Variants in ARHGEF28 observed in about 807,000 individuals in gnomAD.
ARHGEF28 encodes the protein 190 kDa guanine nucleotide exchange factor.
In ARHGEF28, 152 loss-of-function variants were observed where a neutral mutation model predicts 206.6. The observed-to-expected ratio is 0.74, with a 90% confidence interval of 0.64 to 0.84. The LOEUF is 0.84. Among genes scored for constraint, ARHGEF28 ranks in the 40% least tolerant of loss-of-function variants. The probability of loss-of-function intolerance (pLI) is 0.00; values close to 1 mark genes in which losing one functional copy is unlikely to be tolerated. For missense variants in ARHGEF28, 2,028 were observed against 2,073.2 expected (o/e 0.98, Z 0.42); for synonymous variants, 763 against 776.4 (o/e 0.98, Z 0.29).
In ARHGEF28 at chr5:73,755,774, G is replaced by A. The variant is rs555346216; in HGVS notation, c.475+2572G>A. On this transcript the variant is annotated intron_variant, in intron 4 of 35. Coordinates refer to ENST00000513042, the MANE Select transcript of ARHGEF28 (RefSeq NM_001177693.2). ...AGAACGCTTGACAACTCATGTTGTC[G>A]AGGGCCATCCTATTGCCATTTTCAT... is the stretch of plus-strand genomic sequence containing the variant. Among the ~76,000 whole-genome samples the A allele has an allele frequency of 2.0e-5, 3 of 152,242 alleles. No homozygotes were observed. In the East Asian group the frequency reaches 5.8e-4, roughly 29 times the overall value.
intron 9 of ARHGEF28, among the ~76,000 whole-genome samples, chr5:73,819,972 G>A (rs1756466127): frequency 2.0e-5 from 3 of 152,094 alleles, no homozygotes; most frequent in South Asian, 4.1e-4. Flanking sequence ...AGGCCCTCTC[G>A]TTACTGTATC....
At chr5:73,891,063 A>T (rs529049695) in intron 26 of ARHGEF28, among the ~76,000 whole-genome samples, 1 of 152,282 alleles carries the variant, frequency 6.6e-6, no homozygotes, top group Admixed American at 6.5e-5. Context: ...CTTATGTGAA[A>T]CTAGTCCTAC....
At chr5:73,642,419 T>G (rs1411489198) in intron 1 of ARHGEF28, among the ~76,000 whole-genome samples, 1 of 152,178 alleles carries the variant, frequency 6.6e-6, no homozygotes, top group Non-Finnish European at 1.5e-5. Flanking sequence ...ATAGTTGTTT[T>G]TTAGAGGAAA....
At chr5:73,889,820 T>C (rs577545150) in intron 26 of ARHGEF28, among the ~76,000 whole-genome samples, 344 of 152,372 alleles carry the variant, frequency 2.3e-3, no homozygotes, top group African/African-American at 7.7e-3. Flanking sequence ...GTCTGTGCCC[T>C]GTCTCAAAGA....
At chr5:73,706,143 G>A (rs891837230) in intron 2 of ARHGEF28, among the ~76,000 whole-genome samples, 1 of 152,292 alleles carries the variant, frequency 6.6e-6, no homozygotes, top group African/African-American at 2.4e-5. Context: ...CTTGTCCGAA[G>A]GAACTGAAAT....
chr5:73,810,279 CAT>C (rs1755763833), intron 9 of ARHGEF28, among the ~76,000 whole-genome samples: 3 of 152,294 alleles, frequency 2.0e-5, no homozygotes, highest in Admixed American at 2.0e-4. Flanking sequence ...GTTATTTTCA[CAT>C]ATGTCAGTTG....
intron 1 of ARHGEF28, among the ~76,000 whole-genome samples, chr5:73,640,590 G>C (rs748669704): frequency 3.9e-5 from 6 of 152,160 alleles, no homozygotes; most frequent in Non-Finnish European, 8.8e-5. Context: ...TTATTAGCAA[G>C]TTTTGTCTAA....
intron 1 of ARHGEF28, among the ~76,000 whole-genome samples, chr5:73,669,812 G>A (rs373981871): frequency 1.2e-3 from 189 of 152,184 alleles, no homozygotes; most frequent in African/African-American, 4.5e-3. Flanking sequence ...TCAGCCTCCC[G>A]AGTAGCTGGG....
At chr5:73,659,984 T>G (rs1176138535) in intron 1 of ARHGEF28, among the ~76,000 whole-genome samples, 1 of 152,160 alleles carries the variant, frequency 6.6e-6, no homozygotes, top group South Asian at 2.1e-4. Flanking sequence ...TTGGGGTGGC[T>G]CTTTAAAATA....
chr5:73,677,272 G>A lies in ARHGEF28; in HGVS notation c.-11-7569G>A, dbSNP rs528565069. On this transcript the variant is annotated intron_variant, in intron 1 of 35. Coordinates refer to ENST00000513042, the MANE Select transcript of ARHGEF28 (RefSeq NM_001177693.2). ...TATAACCTTGTAATGGCAGGGACTT[G>A]GAAAGGAATCGTTAAGTAACAAGGA... is the stretch of plus-strand genomic sequence containing the variant. Among the ~76,000 whole-genome samples the A allele has an allele frequency of 5.3e-5, 8 of 152,260 alleles. No homozygotes were observed. In the East Asian group the frequency reaches 1.5e-3, roughly 29 times the overall value.
At chr5:73,914,418 A>G (rs1763089660) in intron 35 of ARHGEF28, among the ~76,000 whole-genome samples, 2 of 125,122 alleles carry the variant, frequency 1.6e-5, no homozygotes. Flanking sequence ...TTTTTTTGAG[A>G]AGGAGTCTCT....
intron 1 of ARHGEF28, among the ~76,000 whole-genome samples, chr5:73,638,708 C>T (rs923890970): frequency 1.3e-5 from 2 of 152,092 alleles, no homozygotes; most frequent in Non-Finnish European, 2.9e-5. Flanking sequence ...ACATAAAATC[C>T]TTCTCTGCCA....
intron 7 of ARHGEF28, among the ~76,000 whole-genome samples, chr5:73,791,374 G>T (rs1207564201): frequency 6.6e-6 from 1 of 152,216 alleles, no homozygotes; most frequent in Admixed American, 6.5e-5. Context: ...ATTTGTGGGG[G>T]CAGGCAGAGC....
At chr5:73,742,452 A>G (rs936254527) in intron 2 of ARHGEF28, among the ~76,000 whole-genome samples, 3 of 151,948 alleles carry the variant, frequency 2.0e-5, no homozygotes, top group Non-Finnish European at 4.4e-5. Context: ...TTTCCTCTCT[A>G]TAACTTATTA....
intron 7 of ARHGEF28, among the ~76,000 whole-genome samples, chr5:73,786,087 A>G (rs553783333): frequency 6.6e-6 from 1 of 152,126 alleles, no homozygotes; most frequent in South Asian, 2.1e-4. Flanking sequence ...GGCAAAGAGA[A>G]AAAACCTTGC....
chr5:73,718,917 T>C (rs1200662931), intron 2 of ARHGEF28, among the ~76,000 whole-genome samples: 3 of 152,188 alleles, frequency 2.0e-5, no homozygotes, highest in African/African-American at 7.2e-5. Flanking sequence ...CCTCTCGGCA[T>C]TGCTGTGTTT....
chr5:73,803,541 G>T, intron 9 of ARHGEF28: 1 of 162,190 alleles, frequency 6.2e-6, no homozygotes, highest in South Asian at 1.9e-4. Flanking sequence ...CTTCTGCAAA[G>T]GGAGTGAGAC....
At chr5:73,757,211 T>C (rs1561382574) in intron 4 of ARHGEF28, among the ~76,000 whole-genome samples, 1 of 152,158 alleles carries the variant, frequency 6.6e-6, no homozygotes, top group Non-Finnish European at 1.5e-5. Flanking sequence ...ATGTGAAAAA[T>C]AAACTGTGCC....
chr5:73,781,372 G>T (rs936140681), intron 7 of ARHGEF28, among the ~76,000 whole-genome samples: 2 of 152,096 alleles, frequency 1.3e-5, no homozygotes, highest in African/African-American at 4.8e-5. Flanking sequence ...ATAATACATT[G>T]TTCCTACTCT....
Sources: gnomAD v4.1 joint callset for allele counts (sites outside exome capture counted in the v4.1 genomes callset) on GRCh38, gnomAD v4.1.1 for gene constraint, MANE v1.5 for transcripts, NCBI Gene and HGNC (gene_info 2026-07-23, HGNC 2026-07-21) for gene names.